Variants in PRKAR2B observed in about 807,000 individuals in gnomAD.
PRKAR2B encodes cAMP-dependent protein kinase type II-beta regulatory subunit.
A neutral mutation model predicts 49.9 loss-of-function variants in PRKAR2B; 14 were observed. That is an observed-to-expected ratio of 0.28 (90% CI 0.19 to 0.44). The LOEUF (loss-of-function observed/expected upper bound fraction) is 0.44, where lower values mean the gene tolerates loss of function less well. PRKAR2B is among the 20% of genes least tolerant of loss of function. PRKAR2B has a pLI of 1.00. For synonymous variants in PRKAR2B, 196 were observed against 197.7 expected, an observed-to-expected ratio of 0.99 and a Z score of 0.07; for missense variants, 393 against 537.9, an observed-to-expected ratio of 0.73 and a Z score of 2.67.
intron 5 of PRKAR2B, among the ~76,000 whole-genome samples, chr7:107,144,758 C>T (rs568185158): frequency 6.7e-6 from 1 of 149,720 alleles, no homozygotes; most frequent in South Asian, 2.1e-4. Context: ...AGGCCTGGCC[C>T]ATAATAATTT....
At chr7:107,048,216 C>T (rs1324876068) in intron 1 of PRKAR2B, among the ~76,000 whole-genome samples, 1 of 152,000 alleles carries the variant, frequency 6.6e-6, no homozygotes, top group African/African-American at 2.4e-5. Flanking sequence ...CTATTTGGGA[C>T]CCTTAATGTG....
At chr7:107,104,391 G>C (rs1015555046) in intron 2 of PRKAR2B, among the ~76,000 whole-genome samples, 3 of 152,192 alleles carry the variant, frequency 2.0e-5, no homozygotes, top group African/African-American at 7.2e-5. Flanking sequence ...TGGAGTGCCA[G>C]AATGAATTCT....
chr7:107,149,115 A>C (rs768503070), intron 6 of PRKAR2B, among the ~76,000 whole-genome samples: 1 of 152,202 alleles, frequency 6.6e-6, no homozygotes, highest in Non-Finnish European at 1.5e-5. Context: ...TGAGCCCTAC[A>C]TGCAGAGATC....
At chr7:107,081,720 A>C (rs182450637) in intron 2 of PRKAR2B, 14 of 152,308 alleles carry the variant, frequency 9.2e-5, no homozygotes, top group African/African-American at 3.4e-4. Flanking sequence ...GGTACCATAA[A>C]ATTGACAACA....
intron 2 of PRKAR2B, among the ~76,000 whole-genome samples, chr7:107,114,272 A>G (rs1395055686): frequency 8.4e-6 from 1 of 119,108 alleles, no homozygotes; most frequent in Non-Finnish European, 1.8e-5. Flanking sequence ...ATTTTTGAAG[A>G]AAAAAAAATT....
chr7:107,056,081 C>G lies in PRKAR2B; in HGVS notation c.307+10867C>G, dbSNP rs181910752. Among the ~76,000 whole-genome samples, 928 of 152,290 alleles carry G rather than the reference C, an allele frequency of 6.1e-3. 4 individuals carry two copies. The highest frequency in any genetic ancestry group is 0.017 in the Middle Eastern group (5 of 294). On this transcript the variant is annotated intron_variant, in intron 1 of 10. Transcript: ENST00000265717. ...CATTTATTAAATAGGGAATCCTTTCCCCATTGCTTGTTTTTGTCAGGTTTG... is the reference window on the plus strand; with the variant it reads ...CATTTATTAAATAGGGAATCCTTTCGCCATTGCTTGTTTTTGTCAGGTTTG...
intron 7 of PRKAR2B, among the ~76,000 whole-genome samples, chr7:107,151,838 T>C (rs1795993966): frequency 6.6e-6 from 1 of 152,190 alleles, no homozygotes. Context: ...AAGTATAGTT[T>C]CTATCGCTTT....
intron 2 of PRKAR2B, among the ~76,000 whole-genome samples, chr7:107,096,534 A>G (rs995381376): frequency 6.8e-6 from 1 of 146,622 alleles, no homozygotes; most frequent in Middle Eastern, 3.2e-3. Flanking sequence ...GATCTTAGTT[A>G]TTTCTTGCAT....
chr7:107,114,324 C>A (rs1047569691), intron 2 of PRKAR2B, among the ~76,000 whole-genome samples: 1 of 130,874 alleles, frequency 7.6e-6, no homozygotes, highest in Non-Finnish European at 1.6e-5. Flanking sequence ...GCATGTACAG[C>A]TGTGTGTGTG....
At chr7:107,056,013 C>T (rs899322163) in intron 1 of PRKAR2B, among the ~76,000 whole-genome samples, 2 of 152,130 alleles carry the variant, frequency 1.3e-5, no homozygotes, top group East Asian at 3.8e-4. Context: ...GGAAGGGATC[C>T]AGTTTCAGCT....
intron 5 of PRKAR2B, among the ~76,000 whole-genome samples, chr7:107,144,504 A>G (rs550085426): frequency 4.6e-5 from 7 of 152,142 alleles, no homozygotes; most frequent in Non-Finnish European, 7.4e-5. Flanking sequence ...TTTCTTGCCT[A>G]GGCTCGAGTG....
Position 107,161,161 on chromosome 7 carries a change from G to T in PRKAR2B, c.*1579G>T, listed in dbSNP as rs1042591404. 6.6e-6 allele frequency: 1 copy of T among 152,142 alleles called. No individual in the cohort carries two copies. Among genetic ancestry groups the T allele is most frequent in the Non-Finnish European group, 1.5e-5 (1 of 68,000 alleles). 9.4% of individuals were successfully genotyped at this position (152,142 alleles called of 1,614,324 possible). Reference sequence around the variant, plus strand: ...AAGTATAACTTCAGCCACATTTTTAGAACACTGTTTAACATTTTTGCAAAA... The same window carrying T: ...AAGTATAACTTCAGCCACATTTTTATAACACTGTTTAACATTTTTGCAAAA... On this transcript the variant is annotated 3_prime_UTR_variant, in exon 11 of 11. Transcript: ENST00000265717.
chr7:107,045,247 G>C, intron 1 of PRKAR2B, 33 bp downstream of exon 1: 1 of 1,397,250 alleles, frequency 7.2e-7, no homozygotes, highest in Non-Finnish European at 9.3e-7. Context: ...CGCGCCCCCG[G>C]ATCCCCTCGC....
At position 107,148,019 on chromosome 7, in the gene PRKAR2B, T is replaced by C. The variant is rs115810125; in HGVS notation, c.741+1558T>C. Among the ~76,000 whole-genome samples, 682 of 152,330 alleles carry C rather than the reference T, an allele frequency of 4.5e-3. 3 individuals are homozygous for C. The highest frequency in any genetic ancestry group is 0.016 in the African/African-American group (654 of 41,570). ...TGGAACCAGTTATTATATACTTATT[T>C]AAAAATGTGATGAGTCACTTTTTTA... On this transcript the variant is annotated intron_variant, in intron 6 of 10. Transcript: ENST00000265717.
At chr7:107,055,448 A>C (rs566491189) in intron 1 of PRKAR2B, among the ~76,000 whole-genome samples, 1 of 152,048 alleles carries the variant, frequency 6.6e-6, no homozygotes, top group Non-Finnish European at 1.5e-5. Flanking sequence ...AAGTGTTCCT[A>C]TTTCTCCACA....
At chr7:107,102,590 A>AC (rs1402895032) in intron 2 of PRKAR2B, among the ~76,000 whole-genome samples, 1 of 151,448 alleles carries the variant, frequency 6.6e-6, no homozygotes, top group Admixed American at 6.6e-5. Flanking sequence ...AAAGCCAAGA[A>AC]CCCCCCAATT....
intron 2 of PRKAR2B, among the ~76,000 whole-genome samples, chr7:107,101,138 T>A (rs1040210752): frequency 8.0e-6 from 1 of 124,770 alleles, no homozygotes; most frequent in African/African-American, 2.9e-5. Context: ...GTTGCTTATT[T>A]TTTTTTTTTT....
At chr7:107,093,605 G>T (rs1409269708) in intron 2 of PRKAR2B, among the ~76,000 whole-genome samples, 1 of 151,258 alleles carries the variant, frequency 6.6e-6, no homozygotes, top group Admixed American at 6.6e-5. Flanking sequence ...TTGGTGTGCT[G>T]CACCCGTTAA....
intron 1 of PRKAR2B, 31 bp downstream of exon 1, chr7:107,045,245 CG>C: frequency 7.2e-7 from 1 of 1,396,682 alleles, no homozygotes; most frequent in Non-Finnish European, 9.3e-7. Context: ...TTCGCGCCCC[CG>C]GATCCCCTCG....
Sources: allele counts gnomAD v4.1 joint callset (sites outside exome capture counted in the v4.1 genomes callset), GRCh38; gene constraint gnomAD v4.1.1; transcripts MANE v1.5; gene names NCBI Gene and HGNC (gene_info 2026-07-23, HGNC 2026-07-21).